Variants in CHODL observed in about 807,000 individuals in gnomAD.
The protein encoded by CHODL is transmembrane protein MT75.
In CHODL, 29 loss-of-function variants were observed where a neutral mutation model predicts 34.5. The ratio of observed to expected loss-of-function variants is 0.84; its 90% confidence interval spans 0.63 to 1.15. The LOEUF is 1.15. Among genes scored for constraint, CHODL ranks in the 50% most tolerant of loss-of-function variants. The probability of loss-of-function intolerance (pLI) is 0.00; values close to 1 mark genes in which losing one functional copy is unlikely to be tolerated. For synonymous variants in CHODL, 125 were observed against 116.1 expected (o/e 1.08, Z -0.49); for missense variants, 332 against 332.5 (o/e 1.00, Z 0.01).
At chr21:18,119,193 A>G (rs1368707331) in intron 2 of CHODL, among the ~76,000 whole-genome samples, 2 of 151,820 alleles carry the variant, frequency 1.3e-5, no homozygotes, top group East Asian at 3.9e-4. Context: ...GAACATACCC[A>G]TCATTCTCAA....
chr21:18,215,577 T>TA (rs763108794), intron 2 of CHODL, among the ~76,000 whole-genome samples: 1 of 152,224 alleles, frequency 6.6e-6, no homozygotes, highest in African/African-American at 2.4e-5. Context: ...AATATATACT[T>TA]ACATCTGAAC....
intron 2 of CHODL, among the ~76,000 whole-genome samples, chr21:18,157,732 C>T (rs2073050891): frequency 6.6e-6 from 1 of 152,158 alleles, no homozygotes; most frequent in East Asian, 1.9e-4. Flanking sequence ...GACCTAAGTA[C>T]TGAAGGCTTG....
intron 2 of CHODL, among the ~76,000 whole-genome samples, chr21:18,143,490 A>G (rs1337335797): frequency 6.6e-6 from 1 of 152,090 alleles, no homozygotes; most frequent in Non-Finnish European, 1.5e-5. Context: ...TTGTGTTTAA[A>G]AAGTTTTTGT....
intron 2 of CHODL, among the ~76,000 whole-genome samples, chr21:18,177,741 T>C (rs934673301): frequency 3.9e-5 from 6 of 152,160 alleles, no homozygotes; most frequent in Non-Finnish European, 8.8e-5. Context: ...TAATGTTATA[T>C]TATCTACTTG....
chr21:17,973,546 A>G (rs1293180633), intron 1 of CHODL, among the ~76,000 whole-genome samples: 1 of 150,014 alleles, frequency 6.7e-6, no homozygotes, highest in Non-Finnish European at 1.5e-5. Context: ...CCTCCCAAGT[A>G]GCTGGGACTA....
chr21:18,147,741 T>A (rs527902643), intron 2 of CHODL, among the ~76,000 whole-genome samples: 1 of 152,340 alleles, frequency 6.6e-6, no homozygotes, highest in South Asian at 2.1e-4. Context: ...GTAAACAAAT[T>A]AACAAGTGTG....
chr21:17,926,375 G>GTTTTTTTTTTTTTT (rs767844049), intron 1 of CHODL, among the ~76,000 whole-genome samples: 1 of 60,540 alleles, frequency 1.7e-5, no homozygotes, highest in Non-Finnish European at 4.3e-5. Context: ...AAATAAGGTG[G>GTTTTTTTTTTTTTT]GTTTTTTTTT....
At chr21:18,193,805 A>G (rs1422068484) in intron 2 of CHODL, among the ~76,000 whole-genome samples, 1 of 152,120 alleles carries the variant, frequency 6.6e-6, no homozygotes, top group Non-Finnish European at 1.5e-5. Context: ...TCATCATTCA[A>G]GATTTACAAT....
intron 2 of CHODL, among the ~76,000 whole-genome samples, chr21:18,068,639 C>A (rs916478222): frequency 6.6e-6 from 1 of 152,152 alleles, no homozygotes; most frequent in African/African-American, 2.4e-5. Context: ...TTGAATCGAC[C>A]TTTTGAAGTC....
intron 2 of CHODL, among the ~76,000 whole-genome samples, chr21:18,212,505 A>T (rs1481973792): frequency 6.6e-6 from 1 of 152,118 alleles, no homozygotes; most frequent in Non-Finnish European, 1.5e-5. Flanking sequence ...TTTATTATAT[A>T]TTATTTAAAT....
In CHODL at chr21:17,927,422, T is replaced by C. The variant is rs141186803; in HGVS notation, c.-145+10022T>C. On this transcript the variant is annotated intron_variant, in intron 1 of 6. Coordinates refer to the CHODL transcript ENST00000400127. ...GCTTGCTACGTGCTGTTCTTATATTTAGAAGGTGGTCATATGGTCCTGACA... is the reference window on the plus strand; with the variant it reads ...GCTTGCTACGTGCTGTTCTTATATTCAGAAGGTGGTCATATGGTCCTGACA... Among the ~76,000 whole-genome samples the C allele has an allele frequency of 8.0e-3, 1,225 of 152,286 alleles. 20 individuals carry two copies. The highest frequency in any genetic ancestry group is 0.027 in the African/African-American group (1,135 of 41,550).
chr21:18,253,604 A>G (rs1339327322), intron 1 of CHODL, among the ~76,000 whole-genome samples: 1 of 152,130 alleles, frequency 6.6e-6, no homozygotes, highest in Non-Finnish European at 1.5e-5. Flanking sequence ...TAAATGATGA[A>G]ATCATCACAA....
At chr21:17,949,950 C>T (rs1326479222) in intron 1 of CHODL, among the ~76,000 whole-genome samples, 2 of 152,010 alleles carry the variant, frequency 1.3e-5, no homozygotes, top group Non-Finnish European at 2.9e-5. Context: ...AGAGAAACTG[C>T]AGATACTTTT....
intron 1 of CHODL, among the ~76,000 whole-genome samples, chr21:17,927,618 C>T (rs573158025): frequency 6.6e-6 from 1 of 152,294 alleles, no homozygotes; most frequent in African/African-American, 2.4e-5. Flanking sequence ...ATAGCAGCAG[C>T]TGTAGGGTGG....
intron 2 of CHODL, among the ~76,000 whole-genome samples, chr21:18,089,833 T>C (rs2065050955): frequency 6.6e-6 from 1 of 152,190 alleles, no homozygotes; most frequent in South Asian, 2.1e-4. Flanking sequence ...ATGAGATAGA[T>C]GAGTTTATCT....
At chr21:17,979,082 G>T (rs770334460) in intron 1 of CHODL, among the ~76,000 whole-genome samples, 2 of 152,098 alleles carry the variant, frequency 1.3e-5, no homozygotes, top group Non-Finnish European at 2.9e-5. Flanking sequence ...GGCCCATCTG[G>T]ATAATTCAGA....
intron 2 of CHODL, among the ~76,000 whole-genome samples, chr21:18,209,154 G>A (rs1753958527): frequency 6.6e-6 from 1 of 152,204 alleles, no homozygotes; most frequent in Non-Finnish European, 1.5e-5. Context: ...TGCTGTCCAG[G>A]AGCCAGGGCC....
chr21:18,122,403 T>C (rs2065490853), intron 2 of CHODL, among the ~76,000 whole-genome samples: 1 of 152,216 alleles, frequency 6.6e-6, no homozygotes, highest in Non-Finnish European at 1.5e-5. Flanking sequence ...ATAATTAATT[T>C]GAGCAGTGTA....
At chr21:17,968,467 T>A (rs1003803734) in intron 1 of CHODL, among the ~76,000 whole-genome samples, 154 of 152,368 alleles carry the variant, frequency 1.0e-3, no homozygotes, top group Non-Finnish European at 1.5e-3. Context: ...TGGTCTCTGT[T>A]AAAATAAATT....
Sources: allele counts gnomAD v4.1 joint callset (sites outside exome capture counted in the v4.1 genomes callset), GRCh38; gene constraint gnomAD v4.1.1; transcripts MANE v1.5; gene names NCBI Gene and HGNC (gene_info 2026-07-23, HGNC 2026-07-21).